The following RAVER2 variants were observed in gnomAD, a reference collection of about 807,000 sequenced individuals.
RAVER2 encodes ribonucleoprotein PTB-binding 2.
Under a neutral mutation model 78.1 loss-of-function variants are expected in RAVER2, and 46 were observed. The observed-to-expected ratio is 0.59, with a 90% CI of 0.46 to 0.75. RAVER2 has a LOEUF of 0.75. Ranked by LOEUF, RAVER2 falls within the 30% of genes least tolerant of loss-of-function variation. RAVER2 has a pLI of 0.00. For synonymous variants in RAVER2, 311 were observed against 313.3 expected (o/e 0.99, Z 0.08); for missense variants, 793 against 837.5 (o/e 0.95, Z 0.66).
intron 1 of RAVER2, among the ~76,000 whole-genome samples, chr1:64,747,188 A>G (rs1406452920): frequency 6.6e-6 from 1 of 152,212 alleles, no homozygotes; most frequent in Non-Finnish European, 1.5e-5. Flanking sequence ...TTGAGATTTC[A>G]TCTACTTAAA....
chr1:64,812,132 G>A (rs989368992), intron 9 of RAVER2, among the ~76,000 whole-genome samples: 46 of 152,110 alleles, frequency 3.0e-4, no homozygotes, highest in African/African-American at 1.1e-3. Context: ...TGGCCAAGGC[G>A]GGGGCATCAC....
intron 2 of RAVER2, among the ~76,000 whole-genome samples, chr1:64,776,165 G>C (rs774890840): frequency 6.6e-6 from 1 of 152,050 alleles, no homozygotes; most frequent in African/African-American, 2.4e-5. Flanking sequence ...TTGTTGGCTC[G>C]TTTGTTTTAG....
exon 12 of RAVER2, chr1:64,831,030 T>C: frequency 6.4e-7 from 1 of 1,564,118 alleles, no homozygotes; most frequent in Non-Finnish European, 8.7e-7. Context: ...CTGCAGTATC[T>C]CTGCTGTTCA....
chr1:64,767,925 A>C (rs544164882), intron 1 of RAVER2, among the ~76,000 whole-genome samples: 13 of 151,968 alleles, frequency 8.6e-5, no homozygotes, highest in African/African-American at 3.1e-4. Context: ...AGAAAAAAAA[A>C]GTTTAGGCTA....
intron 1 of RAVER2, among the ~76,000 whole-genome samples, chr1:64,768,166 T>C (rs142488677): frequency 8.5e-4 from 130 of 152,104 alleles, no homozygotes; most frequent in African/African-American, 2.9e-3. Flanking sequence ...CTCTATAGCA[T>C]GCAGAAATAG....
At chr1:64,763,166 T>G (rs149530370) in intron 1 of RAVER2, among the ~76,000 whole-genome samples, 2,660 of 152,030 alleles carry the variant, frequency 0.017, 34 homozygotes, top group Non-Finnish European at 0.022. Context: ...GTGAGGTGGC[T>G]GGCGCCTGTA....
At chr1:64,812,375 A>T (rs1337011425) in intron 9 of RAVER2, among the ~76,000 whole-genome samples, 1 of 151,510 alleles carries the variant, frequency 6.6e-6, no homozygotes, top group Admixed American at 6.6e-5. Flanking sequence ...AAAAAAAAAA[A>T]AAAAAAAATA....
chr1:64,804,887 A>G, intron 7 of RAVER2, 49 bp downstream of exon 7: 1 of 1,506,728 alleles, frequency 6.6e-7, no homozygotes, highest in Non-Finnish European at 9.2e-7. Flanking sequence ...TTTCTTTTCT[A>G]GAATCAGGCT....
intron 6 of RAVER2, 24 bp downstream of exon 6, chr1:64,803,085 G>A: frequency 6.8e-7 from 1 of 1,472,818 alleles, no homozygotes; most frequent in Non-Finnish European, 9.4e-7. Flanking sequence ...ATTGAGTACT[G>A]AAGCATTAAA....
intron 5 of RAVER2, among the ~76,000 whole-genome samples, chr1:64,801,074 T>TTATA (rs138698939): frequency 2.0e-5 from 3 of 148,360 alleles, no homozygotes; most frequent in African/African-American, 7.4e-5. Flanking sequence ...TTTGTATATT[T>TTATA]TATATATATA....
intron 5 of RAVER2, among the ~76,000 whole-genome samples, chr1:64,798,974 A>G (rs563861041): frequency 1.6e-4 from 24 of 152,336 alleles, no homozygotes; most frequent in East Asian, 5.8e-4. Context: ...TTCAAAATAT[A>G]CAATAAATGT....
Sources: gnomAD v4.1 joint callset for allele counts (sites outside exome capture counted in the v4.1 genomes callset) on GRCh38, gnomAD v4.1.1 for gene constraint, MANE v1.5 for transcripts, NCBI Gene and HGNC (gene_info 2026-07-23, HGNC 2026-07-21) for gene names.